Variants in AFAP1 observed in about 807,000 individuals in gnomAD.
AFAP1 encodes the protein actin filament associated protein 1, also known as actin filament-associated protein 1.
A neutral mutation model predicts 93.9 loss-of-function variants in AFAP1; 75 were observed. That is an observed-to-expected ratio of 0.80 (90% CI 0.66 to 0.97). AFAP1 has a LOEUF of 0.97. Among genes scored for constraint, AFAP1 ranks in the 50% least tolerant of loss-of-function variants. The probability of loss-of-function intolerance (pLI) is 0.00; values close to 1 mark genes in which losing one functional copy is unlikely to be tolerated. For synonymous variants in AFAP1, 517 were observed against 430.7 expected (o/e 1.20, Z -2.48); for missense variants, 1,201 against 1,050.8 (o/e 1.14, Z -1.98).
In AFAP1 at chr4:7,886,269, C is replaced by T. The variant is rs183349297; in HGVS notation, c.-2-14189G>A. On this transcript the variant is annotated intron_variant, in intron 1 of 17. Transcript: ENST00000420658. Reference sequence around the variant, plus strand: ...ATGTGCCTACCAAGGCTGCAATGAACGTCTAAGGACTGCTGTAAATAAAAA... The same window carrying T: ...ATGTGCCTACCAAGGCTGCAATGAATGTCTAAGGACTGCTGTAAATAAAAA... 6.3e-4 allele frequency among the ~76,000 whole-genome samples: 96 copies of T among 152,302 alleles called. 1 individual carries two copies. Among genetic ancestry groups the T allele is most frequent in the African/African-American group, 2.2e-3 (93 of 41,582 alleles).
At chr4:7,786,403 G>T in intron 11 of AFAP1, 92 bp from the exon 12 acceptor site, 2 of 1,062,782 alleles carry the variant, frequency 1.9e-6, no homozygotes, top group Non-Finnish European at 2.9e-6. Flanking sequence ...TTATGCCCAA[G>T]GCTATGTCAG....
At chr4:7,828,675 ACT>A (rs1313524991) in intron 6 of AFAP1, among the ~76,000 whole-genome samples, 1 of 152,148 alleles carries the variant, frequency 6.6e-6, no homozygotes, top group African/African-American at 2.4e-5. Flanking sequence ...CATTGTGAAC[ACT>A]CTGTCTTAGC....
rs905056664 is a variant in AFAP1 at position 7,781,570 on chromosome 4, G to C, written c.1588C>G (p.Leu530Val). ...SCSRGLGEEV[L>V]YDNAGLYDNL... Reference sequence around the variant, plus strand: ...TCGTACAGGCCTGCGTTATCATAAAGCACCTCTTCTCCCAAGCCTCTGCTG... The same window carrying C: ...TCGTACAGGCCTGCGTTATCATAAACCACCTCTTCTCCCAAGCCTCTGCTG... Residue 530 changes from leucine (L) to valine (V), a missense_variant, in exon 13 of 18, where the codon CTT becomes GTT. Transcript: ENST00000420658. 2.1e-5 allele frequency: 32 copies of C among 1,551,704 alleles called. No homozygotes were observed. Among genetic ancestry groups the C allele is most frequent in the Non-Finnish European group, 2.8e-5 (32 of 1,147,002 alleles).
chr4:7,775,007 G>A (rs527837967), intron 14 of AFAP1, 104 bp from the exon 15 acceptor site: 129 of 1,351,756 alleles, frequency 9.5e-5, no homozygotes, highest in South Asian at 7.5e-4. Context: ...CAGGCATGGC[G>A]GCACATGCCT....
In AFAP1 at chr4:7,793,811, C is replaced by A; in HGVS notation, c.1282G>T (p.Asp428Tyr). The change falls in exon 11 of 18, where the codon GAC becomes TAC. Residue 428 changes from aspartate to tyrosine, a missense_variant. Asp to Tyr is a radical substitution (Grantham distance 160). Transcript: ENST00000420658. ...VAVLEASSSE[D>Y]MGRWIGILLA... is the part of the protein sequence containing the mutation. ...AAAATCCCAATCCACCTGCCCATGT[C>A]TTCAGAAGAAGATGCCTGTTGAAGT... 6.5e-7 allele frequency: 1 copy of A among 1,545,106 alleles called. No individual in the cohort carries two copies. Among genetic ancestry groups the A allele is most frequent in the Non-Finnish European group, 8.8e-7 (1 of 1,130,348 alleles).
chr4:7,888,578 C>T (rs1718263203), intron 1 of AFAP1, among the ~76,000 whole-genome samples: 1 of 152,226 alleles, frequency 6.6e-6, no homozygotes, highest in South Asian at 2.1e-4. Flanking sequence ...ACTATCTGAA[C>T]AGCTCTATAT....
chr4:7,836,962 A>T (rs1328686710), intron 6 of AFAP1, among the ~76,000 whole-genome samples: 2 of 152,346 alleles, frequency 1.3e-5, no homozygotes, highest in African/African-American at 2.4e-5. Context: ...TGAACTTGAG[A>T]TAACCTGGCA....
chr4:7,814,705 T>C (rs527504661), intron 8 of AFAP1, among the ~76,000 whole-genome samples: 193 of 152,180 alleles, frequency 1.3e-3, no homozygotes, highest in African/African-American at 4.5e-3. Context: ...TATGACATTC[T>C]GGTAAAGGAT....
At chr4:7,827,590 A>G (rs1246539238) in intron 6 of AFAP1, among the ~76,000 whole-genome samples, 5 of 142,476 alleles carry the variant, frequency 3.5e-5, no homozygotes, top group East Asian at 2.3e-4. Context: ...AAAAAAAAAA[A>G]GGGAGAGGAG....
At chr4:7,868,597 C>T in intron 3 of AFAP1, 25 bp downstream of exon 3, 1 of 1,605,292 alleles carries the variant, frequency 6.2e-7, no homozygotes, top group Non-Finnish European at 8.5e-7. Context: ...GCGATGACCA[C>T]TGAGATGGTG....
intron 3 of AFAP1, among the ~76,000 whole-genome samples, chr4:7,860,314 T>G (rs1433696048): frequency 6.6e-6 from 1 of 152,110 alleles, no homozygotes; most frequent in Non-Finnish European, 1.5e-5. Context: ...TTGGAATATG[T>G]GCATTATGTA....
chr4:7,864,368 G>T (rs989309168), intron 3 of AFAP1, among the ~76,000 whole-genome samples: 1 of 152,150 alleles, frequency 6.6e-6, no homozygotes, highest in Non-Finnish European at 1.5e-5. Flanking sequence ...CCCACAATAA[G>T]CAAATTCTCT....
chr4:7,822,439 G>A (rs1278478424), intron 6 of AFAP1, among the ~76,000 whole-genome samples: 1 of 152,058 alleles, frequency 6.6e-6, no homozygotes, highest in Non-Finnish European at 1.5e-5. Flanking sequence ...AAATGAAAAT[G>A]TGCTTCCATT....
At chr4:7,916,889 G>A (rs1177408531) in intron 1 of AFAP1, among the ~76,000 whole-genome samples, 2 of 152,180 alleles carry the variant, frequency 1.3e-5, no homozygotes, top group Non-Finnish European at 2.9e-5. Context: ...CTAGCCCAGT[G>A]CATTTTCAGG....
intron 1 of AFAP1, among the ~76,000 whole-genome samples, chr4:7,907,149 G>GT (rs1433274166): frequency 5.9e-5 from 9 of 152,150 alleles, no homozygotes; most frequent in Admixed American, 5.9e-4. Flanking sequence ...AATACAACTT[G>GT]TAACAGTGAG....
Position 7,781,416 on chromosome 4 carries a change from G to GT in AFAP1, c.1741dup (p.Thr581AsnfsTer18). On this transcript the variant is annotated frameshift_variant, in exon 13 of 18. Transcript: ENST00000420658. LOFTEE classifies it high-confidence loss of function. ...GAGAGACGCCCTCCCCACAGAAGAG[G>GT]TATTAGTGACAGACTGAGCGGAGGC... The GT allele has an allele frequency of 6.4e-7, 1 of 1,551,988 alleles. No individual in the cohort carries two copies. Among genetic ancestry groups the GT allele is most frequent in the South Asian group, 1.2e-5 (1 of 84,056 alleles).
intron 4 of AFAP1, among the ~76,000 whole-genome samples, chr4:7,845,206 G>A (rs1366768745): frequency 6.6e-6 from 1 of 152,126 alleles, no homozygotes; most frequent in African/African-American, 2.4e-5. Context: ...CGAATCACTT[G>A]AGCCCAGGAG....
intron 10 of AFAP1, among the ~76,000 whole-genome samples, chr4:7,795,897 T>C (rs1047216015): frequency 6.6e-6 from 1 of 152,178 alleles, no homozygotes; most frequent in African/African-American, 2.4e-5. Context: ...CAGAGGCTTT[T>C]AAAAAATAAT....
In AFAP1 at chr4:7,887,011, C is replaced by A. The variant is rs151305886; in HGVS notation, c.-2-14931G>T. ...CACAACCTAGAACAGCAGACACATA[C>A]CTGGACTCACAGAACCCTTATTCTA... On this transcript the variant is annotated intron_variant, in intron 1 of 17. Coordinates refer to ENST00000420658, the MANE Select transcript of AFAP1 (RefSeq NM_001134647.2). Among the ~76,000 whole-genome samples, 37 of 152,266 alleles carry A rather than the reference C, an allele frequency of 2.4e-4. 1 individual carries two copies. In the East Asian group the frequency reaches 7.1e-3, roughly 29 times the overall value.
Sources: allele counts gnomAD v4.1 joint callset (sites outside exome capture counted in the v4.1 genomes callset), GRCh38; gene constraint gnomAD v4.1.1; transcripts MANE v1.5; gene names NCBI Gene and HGNC (gene_info 2026-07-23, HGNC 2026-07-21).